PDSS2: variants seen among roughly 807,000 people sequenced by gnomAD.
PDSS2 encodes all trans-polyprenyl-diphosphate synthase PDSS2.
A neutral mutation model predicts 44.5 loss-of-function variants in PDSS2; 31 were observed. The observed-to-expected ratio is 0.70, with a 90% confidence interval of 0.52 to 0.94. The LOEUF (loss-of-function observed/expected upper bound fraction) is 0.94, where lower values mean the gene tolerates loss of function less well. Among genes scored for constraint, PDSS2 ranks in the 40% least tolerant of loss-of-function variants. The pLI is 0.00. For synonymous variants in PDSS2, 157 were observed against 180.3 expected (o/e 0.87, Z 1.03); for missense variants, 452 against 482.2 (o/e 0.94, Z 0.59).
chr6:107,264,551 T>G (rs1775351014), intron 3 of PDSS2: 2 of 1,220,642 alleles, frequency 1.6e-6, no homozygotes, highest in Non-Finnish European at 2.4e-6. Context: ...ATTCCATTCT[T>G]TAAATACTAG....
chr6:107,311,747 T>G (rs766841762), intron 2 of PDSS2, among the ~76,000 whole-genome samples: 1 of 152,236 alleles, frequency 6.6e-6, no homozygotes, highest in Non-Finnish European at 1.5e-5. Context: ...TCTGTAGATC[T>G]TGGCTAAATG....
At chr6:107,168,712 A>G (rs1277184604) in intron 7 of PDSS2, among the ~76,000 whole-genome samples, 1 of 150,700 alleles carries the variant, frequency 6.6e-6, no homozygotes, top group Non-Finnish European at 1.5e-5. Context: ...TCTGTAAAGG[A>G]TTTTATTTCT....
intron 4 of PDSS2, among the ~76,000 whole-genome samples, chr6:107,235,274 G>A (rs530059773): frequency 3.3e-5 from 5 of 152,208 alleles, no homozygotes; most frequent in Admixed American, 1.3e-4. Context: ...TAAAGTCTTC[G>A]GCTGAGTATT....
At chr6:107,225,274 G>A (rs1287505146) in intron 4 of PDSS2, among the ~76,000 whole-genome samples, 3 of 145,234 alleles carry the variant, frequency 2.1e-5, no homozygotes. Flanking sequence ...CCGGGTTCAT[G>A]TGATTCTCTT....
chr6:107,236,480 A>C (rs1473598183), intron 4 of PDSS2, among the ~76,000 whole-genome samples: 1 of 152,102 alleles, frequency 6.6e-6, no homozygotes, highest in African/African-American at 2.4e-5. Context: ...AAAAAAAAAA[A>C]AAGAGTTCAT....
At chr6:107,214,644 T>C (rs9486563) in intron 4 of PDSS2, among the ~76,000 whole-genome samples, 31,414 of 152,148 alleles carry the variant, frequency 0.21, 3,747 homozygotes, top group East Asian at 0.32. Context: ...CTTTCTCTTT[T>C]CACAATTGCT....
At chr6:107,360,541 G>C (rs1778738995) in intron 1 of PDSS2, among the ~76,000 whole-genome samples, 1 of 151,112 alleles carries the variant, frequency 6.6e-6, no homozygotes, top group South Asian at 2.1e-4. Flanking sequence ...AACCTTCTCT[G>C]CTTCTAGAAG....
chr6:107,445,660 C>A (rs1259727710), intron 1 of PDSS2, among the ~76,000 whole-genome samples: 24 of 152,190 alleles, frequency 1.6e-4, no homozygotes, highest in Admixed American at 1.6e-3. Context: ...CAGACTTCAA[C>A]TATTACATTG....
At chr6:107,242,723 G>A (rs985065644) in intron 4 of PDSS2, among the ~76,000 whole-genome samples, 4 of 151,844 alleles carry the variant, frequency 2.6e-5, no homozygotes, top group Non-Finnish European at 5.9e-5. Context: ...GTAAAGATGG[G>A]GTCTTCCCAT....
In PDSS2 at chr6:107,384,597, C is replaced by T. The variant is rs767595940; in HGVS notation, c.297-50265G>A. 1.1e-4 allele frequency among the ~76,000 whole-genome samples: 16 copies of T among 151,054 alleles called. No homozygotes were observed. In the East Asian group the frequency reaches 2.7e-3, roughly 26 times the overall value. ...CAGAGGTTGCAGTGAGTCGAGATCA[C>T]GCTATTGCATTCCAGTCCAGCCAAC... On this transcript the variant is annotated intron_variant, in intron 1 of 7. Coordinates refer to ENST00000369037, the MANE Select transcript of PDSS2 (RefSeq NM_020381.4).
intron 4 of PDSS2, among the ~76,000 whole-genome samples, chr6:107,223,951 T>C (rs1160160158): frequency 1.3e-5 from 2 of 151,250 alleles, no homozygotes; most frequent in African/African-American, 4.9e-5. Flanking sequence ...CATTACTGCC[T>C]GAGCTCCACC....
chr6:107,217,565 C>A (rs75803540), intron 4 of PDSS2, among the ~76,000 whole-genome samples: 2,880 of 152,052 alleles, frequency 0.019, 87 homozygotes, highest in African/African-American at 0.066. Context: ...AAAAAAAACT[C>A]TCAGCTTCCC....
intron 1 of PDSS2, among the ~76,000 whole-genome samples, chr6:107,449,616 C>T (rs1275956831): frequency 6.6e-6 from 1 of 152,176 alleles, no homozygotes; most frequent in East Asian, 1.9e-4. Flanking sequence ...ATAATGTCCT[C>T]CAGGTTCATC....
intron 3 of PDSS2, among the ~76,000 whole-genome samples, chr6:107,247,523 A>G (rs1774661137): frequency 6.6e-6 from 1 of 152,216 alleles, no homozygotes; most frequent in Admixed American, 6.5e-5. Context: ...TCCATAGCCA[A>G]TGACAACCCA....
In PDSS2 at chr6:107,424,036, C is replaced by CATTTTTTTTTTTTTTTTTTTT. The variant is rs1554279679; in HGVS notation, c.296+34953_296+34954insAAAAAAAAAAAAAAAAAAAAT. 2.2e-5 allele frequency among the ~76,000 whole-genome samples: 2 copies of CATTTTTTTTTTTTTTTTTTTT among 90,584 alleles called. 1 individual carries two copies. The allele number at this position is 90,584 out of a possible 152,430, so 59.4% of individuals were successfully genotyped here. On this transcript the variant is annotated intron_variant, in intron 1 of 7. Coordinates refer to ENST00000369037, the MANE Select transcript of PDSS2 (RefSeq NM_020381.4). The stretch of plus-strand genomic sequence containing the variant: ...AATTATGATTATTTTTATCTTGCAT[C>CATTTTTTTTTTTTTTTTTTTT]TTTTTTTTTTTTTTTTTTTTTTTGG...
chr6:107,199,721 T>C (rs1209517848), intron 6 of PDSS2, among the ~76,000 whole-genome samples: 2 of 152,230 alleles, frequency 1.3e-5, no homozygotes, highest in Non-Finnish European at 2.9e-5. Flanking sequence ...AATGAATAAA[T>C]GGATGAAGCT....
intron 2 of PDSS2, among the ~76,000 whole-genome samples, chr6:107,329,204 A>G (rs909381142): frequency 6.6e-6 from 1 of 152,208 alleles, no homozygotes; most frequent in Non-Finnish European, 1.5e-5. Context: ...ACACTTACAG[A>G]ATGCTTACTA....
At chr6:107,415,151 AT>A (rs548167140) in intron 1 of PDSS2, among the ~76,000 whole-genome samples, 3,624 of 149,814 alleles carry the variant, frequency 0.024, 57 homozygotes, top group Non-Finnish European at 0.037. Flanking sequence ...GTTAAAAAAA[AT>A]TTTTTTTTTT....
intron 1 of PDSS2, among the ~76,000 whole-genome samples, chr6:107,362,107 A>G (rs1465413550): frequency 6.6e-6 from 1 of 152,222 alleles, no homozygotes; most frequent in African/African-American, 2.4e-5. Context: ...AAACTAGCCA[A>G]ATATTTAACA....
Sources: allele counts gnomAD v4.1 joint callset (sites outside exome capture counted in the v4.1 genomes callset), GRCh38; gene constraint gnomAD v4.1.1; transcripts MANE v1.5; gene names NCBI Gene and HGNC (gene_info 2026-07-23, HGNC 2026-07-21).